Variants in SHQ1 observed in about 807,000 individuals in gnomAD.
The protein encoded by SHQ1 is SHQ1, H/ACA ribonucleoprotein assembly factor, also known as protein SHQ1 homolog.
SHQ1 carries 49 observed loss-of-function variants against 53.8 expected under a neutral mutation model. The ratio of observed to expected loss-of-function variants is 0.91; its 90% CI spans 0.72 to 1.16. The LOEUF is 1.16. Ranked by LOEUF, SHQ1 falls within the 50% of genes most tolerant of loss-of-function variation. The probability of loss-of-function intolerance (pLI) is 0.00; values close to 1 mark genes in which losing one functional copy is unlikely to be tolerated. For synonymous variants in SHQ1, 243 were observed against 251.0 expected (o/e 0.97, Z 0.30); for missense variants, 738 against 683.1 (o/e 1.08, Z -0.90).
intron 10 of SHQ1, chr3:72,752,972 T>G: frequency 1.0e-6 from 1 of 985,366 alleles, no homozygotes; most frequent in Non-Finnish European, 1.2e-6. Flanking sequence ...CGAAGACGCT[T>G]TTCCTCTAAA....
the SHQ1 span, among the ~76,000 whole-genome samples, chr3:72,729,495 T>C: frequency 6.6e-6 from 1 of 151,948 alleles, no homozygotes; most frequent in Admixed American, 6.6e-5. Flanking sequence ...TGCAAACACA[T>C]TGAGGACCAG....
intron 10 of SHQ1, among the ~76,000 whole-genome samples, chr3:72,775,544 G>A (rs1292632880): frequency 6.7e-6 from 1 of 148,710 alleles, no homozygotes; most frequent in African/African-American, 2.5e-5. Flanking sequence ...TCAGAGAACA[G>A]AAAAGGCAAT....
At chr3:72,817,803 TAATC>T in intron 6 of SHQ1, among the ~76,000 whole-genome samples, 1 of 152,316 alleles carries the variant, frequency 6.6e-6, no homozygotes, top group Admixed American at 6.5e-5. Flanking sequence ...TCCCAGATAT[TAATC>T]AATTAAAATT....
At chr3:72,765,075 C>T (rs752371061) in intron 10 of SHQ1, among the ~76,000 whole-genome samples, 33 of 152,210 alleles carry the variant, frequency 2.2e-4, no homozygotes, top group Non-Finnish European at 4.4e-4. Context: ...GGGCCCTACT[C>T]TAATGGTTCC....
chr3:72,776,366 T>G (rs1483980257), intron 10 of SHQ1, among the ~76,000 whole-genome samples: 3 of 152,174 alleles, frequency 2.0e-5, no homozygotes, highest in Non-Finnish European at 4.4e-5. Context: ...CTGTCTACAG[T>G]ATTCAGGATG....
chr3:72,771,995 G>A (rs775161847), intron 10 of SHQ1, among the ~76,000 whole-genome samples: 7 of 151,468 alleles, frequency 4.6e-5, no homozygotes, highest in Non-Finnish European at 7.3e-5. Context: ...ACACAGCAGC[G>A]ACAGTGCAGG....
At chr3:72,811,195 G>A (rs1441763248) in intron 9 of SHQ1, among the ~76,000 whole-genome samples, 1 of 152,164 alleles carries the variant, frequency 6.6e-6, no homozygotes, top group Non-Finnish European at 1.5e-5. Context: ...GAGAGTGTGT[G>A]AGTGTGTGTG....
At chr3:72,778,694 G>A (rs1481695963) in intron 10 of SHQ1, among the ~76,000 whole-genome samples, 1 of 152,084 alleles carries the variant, frequency 6.6e-6, no homozygotes, top group Non-Finnish European at 1.5e-5. Context: ...GAACCCAGTA[G>A]TTCATTAAAT....
Position 72,848,286 on chromosome 3 carries a change from T to G in SHQ1, c.55A>C (p.Ile19Leu). 1 of 1,614,122 alleles carries G rather than the reference T, an allele frequency of 6.2e-7. No individual in the cohort carries two copies. Among genetic ancestry groups the G allele is most frequent in the Non-Finnish European group, 8.5e-7 (1 of 1,180,010 alleles). Residue 19 changes from isoleucine to leucine, a missense_variant, in exon 1 of 11, where the codon ATC (isoleucine) becomes CTC (leucine). Ile to Leu is a conservative substitution (Grantham distance 5). Transcript: ENST00000325599. The stretch of plus-strand genomic sequence containing the variant: ...GAGACCCGGGCGTAGGGCACGCGGA[T>G]GGCGATAGTCAGGAAGTCCGGATCC... ...SQDPDFLTIA[I>L]RVPYARVSEF...
intron 6 of SHQ1, among the ~76,000 whole-genome samples, chr3:72,821,016 T>C (rs923879760): frequency 1.3e-5 from 2 of 152,182 alleles, no homozygotes; most frequent in African/African-American, 4.8e-5. Flanking sequence ...ACATCCCTCT[T>C]ATCTGGGTCA....
chr3:72,739,729 A>G, the SHQ1 span, among the ~76,000 whole-genome samples: 4 of 152,332 alleles, frequency 2.6e-5, no homozygotes, highest in African/African-American at 9.6e-5. Flanking sequence ...GCCAAGATAG[A>G]ATTAGAAGTG....
At chr3:72,846,407 A>T in intron 1 of SHQ1, 3 of 1,107,956 alleles carry the variant, frequency 2.7e-6, no homozygotes, top group Admixed American at 2.6e-5. Flanking sequence ...CGATTCTCTC[A>T]CCTCAAGCTT....
chr3:72,824,529 C>A lies in SHQ1; in HGVS notation c.622G>T (p.Ala208Ser). ...HYLADFFEDE[A>S]IEQILKYNPW... ...TTATACTTCAAAATCTGTTCAATCGCCTCATCTTCAAAAAAGTCAGCTCTA... is the reference window on the plus strand; with the variant it reads ...TTATACTTCAAAATCTGTTCAATCGACTCATCTTCAAAAAAGTCAGCTCTA... Residue 208 changes from alanine (A) to serine (S), a missense_variant, in exon 6 of 11, where the codon GCG (alanine) becomes TCG (serine). Ala to Ser is a moderately conservative substitution (Grantham distance 99). Transcript: ENST00000325599. The A allele has an allele frequency of 6.2e-7, 1 of 1,608,976 alleles. No individual in the cohort carries two copies. Among genetic ancestry groups the A allele is most frequent in the East Asian group, 2.2e-5 (1 of 44,562 alleles).
At chr3:72,822,403 C>T (rs1707503618) in intron 6 of SHQ1, among the ~76,000 whole-genome samples, 1 of 152,192 alleles carries the variant, frequency 6.6e-6, no homozygotes, top group African/African-American at 2.4e-5. Flanking sequence ...GACTGAGTGG[C>T]TTGATCTCCT....
At position 72,776,718 on chromosome 3, in the gene SHQ1, ACACAAAATGTTTTAGTCT is replaced by A. The variant is rs1189411355; in HGVS notation, c.1181+16180_1181+16197del. On this transcript the variant is annotated intron_variant, in intron 10 of 10. Coordinates refer to ENST00000325599, the MANE Select transcript of SHQ1 (RefSeq NM_018130.3). ...AGTCATACCATATTATTGGAAAGAG[ACACAAAATGTTTTAGTCT>A]CTCCAAACTGATTAACAGATTCAAA... Among the ~76,000 whole-genome samples, 4 of 152,332 alleles carry A rather than the reference ACACAAAATGTTTTAGTCT, an allele frequency of 2.6e-5. No individual in the cohort carries two copies. The East Asian group carries it at 7.7e-4, about 29-fold the overall frequency.
At chr3:72,813,941 G>A (rs776824065) in intron 8 of SHQ1, among the ~76,000 whole-genome samples, 8 of 148,522 alleles carry the variant, frequency 5.4e-5, no homozygotes, top group Admixed American at 2.7e-4. Context: ...TATCTTGAAC[G>A]GTATCAAACT....
chr3:72,843,132 T>C (rs917770335), intron 2 of SHQ1, among the ~76,000 whole-genome samples: 2 of 152,000 alleles, frequency 1.3e-5, no homozygotes, highest in Non-Finnish European at 2.9e-5. Context: ...TTTAGTCTTA[T>C]ACAGTATGAC....
At position 72,750,261 on chromosome 3, in the gene SHQ1, CAATG is replaced by C. The variant is rs1559656725; in HGVS notation, c.*19_*22del. 7.2e-6 allele frequency: 11 copies of C among 1,530,076 alleles called. No individual in the cohort carries two copies. The highest frequency in any genetic ancestry group is 2.1e-5 in the Admixed American group (1 of 48,162). 94.8% of individuals were successfully genotyped at this position (1,530,076 alleles called of 1,614,324 possible). Reference sequence around the variant, plus strand: ...AAACCCAATCTACCATATTTCTCAACAATGAATAAAACCACCTAAGAGTCAATTA... The same window carrying C: ...AAACCCAATCTACCATATTTCTCAACAATAAAACCACCTAAGAGTCAATTA... On this transcript the variant is annotated 3_prime_UTR_variant, in exon 11 of 11. Coordinates refer to ENST00000325599, the MANE Select transcript of SHQ1 (RefSeq NM_018130.3).
At chr3:72,783,229 GGTAGA>G (rs1353142208) in intron 10 of SHQ1, among the ~76,000 whole-genome samples, 1 of 152,096 alleles carries the variant, frequency 6.6e-6, no homozygotes, top group Non-Finnish European at 1.5e-5. Context: ...CCTAGATAAA[GGTAGA>G]GTATTTTCCA....
Sources: allele counts gnomAD v4.1 joint callset (sites outside exome capture counted in the v4.1 genomes callset), GRCh38; gene constraint gnomAD v4.1.1; transcripts MANE v1.5; gene names NCBI Gene and HGNC (gene_info 2026-07-23, HGNC 2026-07-21).